Variants in DPP10 observed in about 807,000 individuals in gnomAD.
DPP10 encodes inactive dipeptidyl peptidase 10.
A neutral mutation model predicts 120.9 loss-of-function variants in DPP10; 33 were observed. That is an observed-to-expected ratio of 0.27 (90% CI 0.21 to 0.37). The LOEUF (loss-of-function observed/expected upper bound fraction) is 0.37. Among genes scored for constraint, DPP10 ranks in the 10% least tolerant of loss-of-function variants. The probability of loss-of-function intolerance (pLI) is 1.00; values close to 1 mark genes in which losing one functional copy is unlikely to be tolerated. For missense variants in DPP10, 816 were observed against 942.8 expected, an observed-to-expected ratio of 0.87 and a Z score of 1.76; for synonymous variants, 337 against 326.1, an observed-to-expected ratio of 1.03 and a Z score of -0.36.
intron 1 of DPP10, among the ~76,000 whole-genome samples, chr2:114,620,421 C>G (rs928480114): frequency 6.6e-6 from 1 of 151,948 alleles, no homozygotes; most frequent in Admixed American, 6.6e-5. Context: ...TTGAAATAAT[C>G]ATTTTACTAT....
At chr2:115,438,206 T>C (rs2071678836) in intron 3 of DPP10, among the ~76,000 whole-genome samples, 1 of 152,118 alleles carries the variant, frequency 6.6e-6, no homozygotes, top group African/African-American at 2.4e-5. Context: ...TTCATTAGAA[T>C]GGCTGTCATG....
intron 1 of DPP10, among the ~76,000 whole-genome samples, chr2:114,976,306 A>G (rs1699754103): frequency 6.6e-6 from 1 of 152,108 alleles, no homozygotes; most frequent in African/African-American, 2.4e-5. Context: ...TTCTATAGCT[A>G]TAATTTTTCT....
intron 5 of DPP10, among the ~76,000 whole-genome samples, chr2:115,615,389 T>C (rs2084415484): frequency 6.6e-6 from 1 of 152,316 alleles, no homozygotes; most frequent in East Asian, 1.9e-4. Flanking sequence ...AAATGGATAT[T>C]ATTTGTCTCA....
At chr2:115,387,829 A>G (rs2067052550) in intron 3 of DPP10, among the ~76,000 whole-genome samples, 1 of 152,166 alleles carries the variant, frequency 6.6e-6, no homozygotes, top group South Asian at 2.1e-4. Context: ...AATTTACTGG[A>G]GCTCACGTTA....
intron 5 of DPP10, among the ~76,000 whole-genome samples, chr2:115,670,207 C>T (rs2089758168): frequency 6.6e-6 from 1 of 152,038 alleles, no homozygotes; most frequent in African/African-American, 2.4e-5. Context: ...AATTATCTCT[C>T]AAAGGCCCCA....
At chr2:115,560,920 T>C (rs144828783) in intron 5 of DPP10, among the ~76,000 whole-genome samples, 1 of 152,268 alleles carries the variant, frequency 6.6e-6, no homozygotes, top group African/African-American at 2.4e-5. Flanking sequence ...TAGACATCTA[T>C]CTTCACCACT....
rs577572392 is a variant in DPP10 at position 114,497,231 on chromosome 2, G to A, written c.60+54393G>A. ...TACATATACGTGTGTATGCATGTAC[G>A]TGCGTATACATGTGTATGCATGTAC... is the stretch of plus-strand genomic sequence containing the variant. On this transcript the variant is annotated intron_variant, in intron 1 of 25. Coordinates refer to ENST00000410059, the MANE Select transcript of DPP10 (RefSeq NM_020868.6). 5.4e-5 allele frequency among the ~76,000 whole-genome samples: 8 copies of A among 148,258 alleles called. 1 individual carries two copies. The highest frequency in any genetic ancestry group is 9.0e-5 in the Non-Finnish European group (6 of 67,026).
intron 19 of DPP10, among the ~76,000 whole-genome samples, chr2:115,812,484 C>A (rs1686750993): frequency 6.6e-6 from 1 of 152,056 alleles, no homozygotes; most frequent in Non-Finnish European, 1.5e-5. Flanking sequence ...AACAAACAAA[C>A]AAAAAACAGC....
At position 114,629,301 on chromosome 2, in the gene DPP10, C is replaced by T. The variant is rs566286348; in HGVS notation, c.60+186463C>T. Among the ~76,000 whole-genome samples the T allele has an allele frequency of 4.6e-5, 7 of 152,268 alleles. No homozygotes were observed. The South Asian group carries it at 1.4e-3, about 32-fold the overall frequency. On this transcript the variant is annotated intron_variant, in intron 1 of 25. Transcript: ENST00000410059. ...TGAATTGACAGTTGCTAACACACTGCTAATGGCTAACTGGGACTTATTGAT... is the reference window on the plus strand; with the variant it reads ...TGAATTGACAGTTGCTAACACACTGTTAATGGCTAACTGGGACTTATTGAT...
chr2:115,328,945 G>A (rs1193327193), intron 2 of DPP10, among the ~76,000 whole-genome samples: 4 of 152,088 alleles, frequency 2.6e-5, no homozygotes, highest in Non-Finnish European at 4.4e-5. Context: ...TGTTTGTGAA[G>A]CATCATTGCC....
chr2:115,692,121 T>C (rs1450974703), intron 7 of DPP10, among the ~76,000 whole-genome samples: 1 of 152,064 alleles, frequency 6.6e-6, no homozygotes, highest in African/African-American at 2.4e-5. Context: ...AACCTATGAA[T>C]GTAACTAGGT....
chr2:115,635,506 G>A (rs181917095), intron 5 of DPP10, among the ~76,000 whole-genome samples: 16 of 152,296 alleles, frequency 1.1e-4, no homozygotes, highest in African/African-American at 2.6e-4. Flanking sequence ...CTTACTCTCC[G>A]TAGGTCACAC....
intron 1 of DPP10, among the ~76,000 whole-genome samples, chr2:114,533,621 A>C (rs994189346): frequency 5.9e-5 from 9 of 152,296 alleles, no homozygotes; most frequent in African/African-American, 1.9e-4. Context: ...TGAACTAAAA[A>C]TAAAAATTAA....
chr2:114,582,457 G>C (rs1202035853), intron 1 of DPP10, among the ~76,000 whole-genome samples: 9 of 152,154 alleles, frequency 5.9e-5, no homozygotes. Flanking sequence ...TAAATGCCAA[G>C]GAACTGGATG....
At chr2:115,334,601 T>C (rs2106198788) in intron 2 of DPP10, among the ~76,000 whole-genome samples, 1 of 152,068 alleles carries the variant, frequency 6.6e-6, no homozygotes, top group East Asian at 1.9e-4. Flanking sequence ...CCAATAACTA[T>C]AAAGAAGCAA....
chr2:115,815,560 T>C, intron 20 of DPP10, 115 bp from the exon 21 acceptor site: 1 of 884,482 alleles, frequency 1.1e-6, no homozygotes, highest in Non-Finnish European at 1.7e-6. Context: ...GAGCTACAGT[T>C]AGTAAAGCAT....
chr2:115,332,708 G>C lies in DPP10; in HGVS notation c.176-11109G>C, dbSNP rs1574458130. Among the ~76,000 whole-genome samples, 4 of 152,180 alleles carry C rather than the reference G, an allele frequency of 2.6e-5. No individual in the cohort carries two copies. The South Asian group carries it at 6.2e-4, about 24-fold the overall frequency. ...CCCAGTAGTCATTCAGGAGCAGGTTGTTCAGTTTCCATGTAGTTGAGCAGT... is the reference window on the plus strand; with the variant it reads ...CCCAGTAGTCATTCAGGAGCAGGTTCTTCAGTTTCCATGTAGTTGAGCAGT... On this transcript the variant is annotated intron_variant, in intron 2 of 25. Coordinates refer to ENST00000410059, the MANE Select transcript of DPP10 (RefSeq NM_020868.6).
At chr2:115,439,591 G>C (rs1328413289) in intron 3 of DPP10, among the ~76,000 whole-genome samples, 1 of 152,132 alleles carries the variant, frequency 6.6e-6, no homozygotes, top group Non-Finnish European at 1.5e-5. Flanking sequence ...AATACATGCT[G>C]TTTTATTTCT....
intron 7 of DPP10, among the ~76,000 whole-genome samples, chr2:115,700,741 T>C (rs1053802917): frequency 2.6e-5 from 4 of 152,058 alleles, no homozygotes; most frequent in Non-Finnish European, 4.4e-5. Flanking sequence ...AGCAAAGTAC[T>C]AGGATAAAAA....
Sources: gnomAD v4.1 joint callset for allele counts (sites outside exome capture counted in the v4.1 genomes callset) on GRCh38, gnomAD v4.1.1 for gene constraint, MANE v1.5 for transcripts, NCBI Gene and HGNC (gene_info 2026-07-23, HGNC 2026-07-21) for gene names.